TNRC18: variants seen among roughly 807,000 people sequenced by gnomAD.
TNRC18 encodes trinucleotide repeat-containing gene 18 protein.
In TNRC18, 69 loss-of-function variants were observed where a neutral mutation model predicts 226.7. The ratio of observed to expected loss-of-function variants is 0.30; its 90% CI spans 0.25 to 0.37. The LOEUF (loss-of-function observed/expected upper bound fraction) is 0.37, where lower values mean the gene tolerates loss of function less well. Among genes scored for constraint, TNRC18 ranks in the 10% least tolerant of loss-of-function variants. The pLI is 1.00. For synonymous variants in TNRC18, 2,449 were observed against 1,927.6 expected (o/e 1.27, Z -7.09); for missense variants, 4,754 against 4,256.6 (o/e 1.12, Z -3.25).
At chr7:5,347,253 T>C (rs1334572314) in intron 17 of TNRC18, among the ~76,000 whole-genome samples, 1 of 150,950 alleles carries the variant, frequency 6.6e-6, no homozygotes, top group Non-Finnish European at 1.5e-5. Flanking sequence ...AGTGGCACGA[T>C]TTCGGCGCAC....
rs1554297477 is a variant in TNRC18, at chr7:5,389,461, G to GTTTTTTTGTTTTTTTTTTTTTT, written c.488-126_488-125insAAAAAAAAAAAAAACAAAAAAA. On this transcript the variant is annotated intron_variant, in intron 4 of 29. Transcript: ENST00000430969. ...TGCCTCCCCCAGTGTTTTGGTTTTG[G>GTTTTTTTGTTTTTTTTTTTTTT]TTTTTTTTTTCAGAAAGAGTCTCGC... The GTTTTTTTGTTTTTTTTTTTTTT allele has an allele frequency of 8.5e-5, 48 of 565,538 alleles. 2 individuals are homozygous for GTTTTTTTGTTTTTTTTTTTTTT. The African/African-American group carries it at 9.5e-4, about 11-fold the overall frequency. The allele number at this position is 565,538 out of a possible 1,614,324, so 35.0% of individuals were successfully genotyped here. A position where few individuals can be genotyped will look rare whatever the true frequency, so the allele number is the denominator to read the frequency against.
Position 5,313,780 on chromosome 7 carries a change from C to T in TNRC18, c.7111G>A (p.Gly2371Ser), listed in dbSNP as rs760544399. ...GGCTCTGGGGGGCTCTTCTTGGAAC[C>T]TGGGGTGCTGCTCGGCTCCAGGGCT... ...PLALEPSSTP[G>S]SKKSPPEPVD... The change falls in exon 27 of 30, where the codon GGT becomes AGT. Residue 2371 changes from glycine to serine, a missense_variant. By Grantham distance (56) the Gly-to-Ser change is moderately conservative. Transcript: ENST00000430969. 2 of 1,541,656 alleles carry T rather than the reference C, an allele frequency of 1.3e-6. No individual in the cohort carries two copies. The highest frequency in any genetic ancestry group is 1.2e-5 in the South Asian group (1 of 80,160).
In TNRC18 at chr7:5,368,551, G is replaced by C. The variant is rs965531988; in HGVS notation, c.4219+1824C>G. ...TGGTGGTGCGTGCCTGTAATCCCAG[G>C]TACTCAGGAGGCTGAGGCAGGAAAA... On this transcript the variant is annotated intron_variant, in intron 11 of 29. Coordinates refer to ENST00000430969, the MANE Select transcript of TNRC18 (RefSeq NM_001080495.3). Among the ~76,000 whole-genome samples, 3 of 150,342 alleles carry C rather than the reference G, an allele frequency of 2.0e-5. No homozygotes were observed. In the Admixed American group the frequency reaches 2.0e-4, roughly 10 times the overall value.
At position 5,309,429 on chromosome 7, in the gene TNRC18, G is replaced by T; in HGVS notation, c.8389-61C>A. 1 of 1,476,348 alleles carries T rather than the reference G, an allele frequency of 6.8e-7. No individual in the cohort carries two copies. Among genetic ancestry groups the T allele is most frequent in the Non-Finnish European group, 9.2e-7 (1 of 1,091,222 alleles). The allele number at this position is 1,476,348 out of a possible 1,614,324, so 91.5% of individuals were successfully genotyped here. On this transcript the variant is annotated intron_variant, in intron 27 of 29. Coordinates refer to ENST00000430969, the MANE Select transcript of TNRC18 (RefSeq NM_001080495.3). This position sits in a 1 kb window ranked among gnomAD's most constrained non-coding sequence, Gnocchi z 5.7. ...CCCAGCCCCAAGGAGCCCGCCGCCT[G>T]GCAGGCTCTGCCGCTTGGGACTCTG...
chr7:5,342,356 G>C (rs1790765639), intron 18 of TNRC18, among the ~76,000 whole-genome samples: 1 of 151,922 alleles, frequency 6.6e-6, no homozygotes, highest in Non-Finnish European at 1.5e-5. Flanking sequence ...TTGAACTGGG[G>C]AGGCGGAGGT....
At chr7:5,321,890 C>G (rs7456469) in intron 21 of TNRC18, among the ~76,000 whole-genome samples, 16,884 of 151,746 alleles carry the variant, frequency 0.11, 1,135 homozygotes, top group Non-Finnish European at 0.16. Context: ...CAGGCTGATC[C>G]CGAGCCCCTG....
chr7:5,410,343 T>G (rs1053472170), intron 2 of TNRC18, among the ~76,000 whole-genome samples: 8 of 136,100 alleles, frequency 5.9e-5, no homozygotes, highest in African/African-American at 2.2e-4. Context: ...AAAGAAAAAA[T>G]TCAATGATTA....
chr7:5,354,280 A>AC (rs1457577162), intron 16 of TNRC18, among the ~76,000 whole-genome samples: 3 of 152,082 alleles, frequency 2.0e-5, no homozygotes, highest in Non-Finnish European at 4.4e-5. Flanking sequence ...GAGTGAACAC[A>AC]CCAGCTCGGA....
rs965973560 is a variant in TNRC18 at position 5,394,344 on chromosome 7, A to C, written c.343+96T>G. On this transcript the variant is annotated intron_variant, in intron 3 of 29. Transcript: ENST00000430969. The surrounding 1 kb of genome is among the most constrained non-coding windows in gnomAD (Gnocchi z 4.5). ...AGGTGACCTGGGACCCACCAGCCCC[A>C]GCTCAGCGATGACAACAGAGGGGCA... The C allele has an allele frequency of 2.3e-5, 28 of 1,236,974 alleles. No individual in the cohort carries two copies. The highest frequency in any genetic ancestry group is 1.4e-4 in the South Asian group (8 of 58,818). 76.6% of individuals were successfully genotyped at this position (1,236,974 alleles called of 1,614,324 possible).
intron 27 of TNRC18, among the ~76,000 whole-genome samples, chr7:5,311,874 T>C (rs1233182648): frequency 6.6e-6 from 1 of 151,696 alleles, no homozygotes; most frequent in African/African-American, 2.4e-5. Context: ...GGCTCACACC[T>C]GTAATCCCAG....
chr7:5,390,513 A>T lies in TNRC18; in HGVS notation c.459T>A (p.Asp153Glu). 1 of 1,613,560 alleles carries T rather than the reference A, an allele frequency of 6.2e-7. No homozygotes were observed. Among genetic ancestry groups the T allele is most frequent in the Non-Finnish European group, 8.5e-7 (1 of 1,179,784 alleles). Residue 153 changes from aspartate to glutamate, a missense_variant, in exon 4 of 30, where the codon GAT (aspartate) becomes GAA (glutamate). Physicochemically the swap from Asp to Glu is conservative, Grantham distance 45. Transcript: ENST00000430969. ...LSQLGQPSIF[D>E]TQKGQGPGGD... ...CTCCTGGCCCCTGACCTTTCTGGGTATCGAAAATGCTGGGCTGACCCAGCT... is the reference window on the plus strand; with the variant it reads ...CTCCTGGCCCCTGACCTTTCTGGGTTTCGAAAATGCTGGGCTGACCCAGCT...
intron 5 of TNRC18, among the ~76,000 whole-genome samples, chr7:5,379,000 C>T (rs1779206164): frequency 6.6e-6 from 1 of 151,808 alleles, no homozygotes. Flanking sequence ...TCGAGACCAG[C>T]CTGGCCAACA....
In TNRC18 at chr7:5,410,577, T is replaced by G. The variant is rs566981848; in HGVS notation, c.187+10483A>C. Among the ~76,000 whole-genome samples, 3 of 151,714 alleles carry G rather than the reference T, an allele frequency of 2.0e-5. No homozygotes were observed. The South Asian group carries it at 6.3e-4, about 32-fold the overall frequency. The stretch of plus-strand genomic sequence containing the variant: ...TCAGAACAGTGATGAAGAATAACAA[T>G]AACCGTGGCCAGGCGGAGTGGCTCA... On this transcript the variant is annotated intron_variant, in intron 2 of 29. Coordinates refer to ENST00000430969, the MANE Select transcript of TNRC18 (RefSeq NM_001080495.3).
At chr7:5,336,862 T>C (rs1790162045) in intron 18 of TNRC18, among the ~76,000 whole-genome samples, 1 of 151,928 alleles carries the variant, frequency 6.6e-6, no homozygotes, top group Admixed American at 6.6e-5. Flanking sequence ...AGTTTATGAG[T>C]TTGGGTGTGG....
At chr7:5,419,944 T>C (rs1782443578) in intron 2 of TNRC18, 1 of 161,732 alleles carries the variant, frequency 6.2e-6, no homozygotes, top group African/African-American at 2.4e-5. Flanking sequence ...ACTCTGGAAA[T>C]TGCAAAAATC....
chr7:5,395,276 C>T (rs557791430), intron 2 of TNRC18, among the ~76,000 whole-genome samples: 1 of 152,162 alleles, frequency 6.6e-6, no homozygotes, highest in Non-Finnish European at 1.5e-5. Flanking sequence ...ATGAATGGAG[C>T]GGCAGGCGTG....
intron 16 of TNRC18, 25 bp downstream of exon 16, chr7:5,356,891 A>G (rs1792478287): frequency 6.7e-7 from 1 of 1,503,006 alleles, no homozygotes; most frequent in Non-Finnish European, 8.9e-7. Flanking sequence ...AGCGGACCAG[A>G]GGTGGCGCGG....
intron 5 of TNRC18, among the ~76,000 whole-genome samples, chr7:5,384,394 C>A (rs1380518501): frequency 6.6e-6 from 1 of 152,202 alleles, no homozygotes; most frequent in Non-Finnish European, 1.5e-5. Context: ...AGCCACCATA[C>A]CCAGCCCCCA....
chr7:5,309,101 A>G lies in TNRC18; in HGVS notation c.8625+31T>C. ...TCAGGTCTGCCCTACACCGCCTAGG[A>G]CTGGGGGCCGCAGCCGGGCCGCAGG... On this transcript the variant is annotated intron_variant, in intron 28 of 29. Coordinates refer to ENST00000430969, the MANE Select transcript of TNRC18 (RefSeq NM_001080495.3). This position sits in a 1 kb window ranked among gnomAD's most constrained non-coding sequence, Gnocchi z 5.7. 1.3e-6 allele frequency: 2 copies of G among 1,569,650 alleles called. No homozygotes were observed. The highest frequency in any genetic ancestry group is 2.3e-4 in the Middle Eastern group (1 of 4,406).
Sources: allele counts gnomAD v4.1 joint callset (sites outside exome capture counted in the v4.1 genomes callset), GRCh38; gene constraint gnomAD v4.1.1; non-coding constraint Gnocchi (gnomAD v3.1); transcripts MANE v1.5; gene names NCBI Gene and HGNC (gene_info 2026-07-23, HGNC 2026-07-21).